The following PCNX2 variants were observed in gnomAD, a reference collection of about 807,000 sequenced individuals.
The protein encoded by PCNX2 is pecanex-like protein 2.
In PCNX2, 168 loss-of-function variants were observed where a neutral mutation model predicts 223.8. That is an observed-to-expected ratio of 0.75 (90% CI 0.66 to 0.85). The LOEUF (loss-of-function observed/expected upper bound fraction) is 0.85. PCNX2 is among the 40% of genes least tolerant of loss of function. PCNX2 has a pLI of 0.00. For synonymous variants in PCNX2, 1,006 were observed against 1,052.6 expected, an observed-to-expected ratio of 0.96 and a Z score of 0.86; for missense variants, 2,507 against 2,675.5, an observed-to-expected ratio of 0.94 and a Z score of 1.39.
chr1:233,287,354 C>T (rs1661505123), intron 1 of PCNX2, among the ~76,000 whole-genome samples: 1 of 152,158 alleles, frequency 6.6e-6, no homozygotes, highest in South Asian at 2.1e-4. Context: ...TTGGCTGTGT[C>T]CCCACCCAAA....
At chr1:233,219,962 TG>T (rs1297665564) in intron 10 of PCNX2, among the ~76,000 whole-genome samples, 5 of 152,206 alleles carry the variant, frequency 3.3e-5, no homozygotes, top group Non-Finnish European at 7.4e-5. Flanking sequence ...CCCTAAGCCC[TG>T]GCAACAACTG....
At chr1:233,006,740 T>C (rs947899625) in intron 28 of PCNX2, among the ~76,000 whole-genome samples, 2 of 152,212 alleles carry the variant, frequency 1.3e-5, no homozygotes, top group African/African-American at 2.4e-5. Context: ...GTACATACTA[T>C]GTTATTTACA....
chr1:233,222,699 C>T (rs1179423756), intron 10 of PCNX2, among the ~76,000 whole-genome samples: 1 of 152,016 alleles, frequency 6.6e-6, no homozygotes. Flanking sequence ...AAATAACTTC[C>T]TACAAGAGAC....
intron 17 of PCNX2, among the ~76,000 whole-genome samples, chr1:233,174,410 T>C (rs957437579): frequency 2.0e-5 from 3 of 150,074 alleles, no homozygotes; most frequent in African/African-American, 7.3e-5. Flanking sequence ...AATTTTTGGA[T>C]TTATGGTAAA....
intron 9 of PCNX2, among the ~76,000 whole-genome samples, chr1:233,229,077 CACA>C (rs1227486444): frequency 6.6e-6 from 1 of 152,148 alleles, no homozygotes; most frequent in African/African-American, 2.4e-5. Flanking sequence ...GGGCAGACAG[CACA>C]ACTTTTTTCC....
At chr1:233,089,793 G>T in intron 23 of PCNX2, 1 of 1,033,644 alleles carries the variant, frequency 9.7e-7, no homozygotes, top group Non-Finnish European at 1.2e-6. Context: ...ACGAAAATTT[G>T]GCAGTGATAA....
At chr1:233,087,049 G>A in intron 23 of PCNX2, 1 of 985,396 alleles carries the variant, frequency 1.0e-6, no homozygotes, top group Non-Finnish European at 1.2e-6. Context: ...ACAGAATCAG[G>A]GAACAGGAGG....
At chr1:233,087,749 T>C (rs1449860886) in intron 23 of PCNX2, among the ~76,000 whole-genome samples, 4 of 152,140 alleles carry the variant, frequency 2.6e-5, no homozygotes, top group Admixed American at 2.6e-4. Context: ...TTCAGCAGAC[T>C]GGGTTTTGCA....
chr1:233,143,591 C>G (rs986587435), intron 19 of PCNX2, among the ~76,000 whole-genome samples: 17 of 152,102 alleles, frequency 1.1e-4, no homozygotes, highest in African/African-American at 3.9e-4. Flanking sequence ...TGTGTTTTGA[C>G]GAGTCCTACA....
intron 1 of PCNX2, chr1:233,289,452 T>G: frequency 7.7e-7 from 1 of 1,304,262 alleles, no homozygotes; most frequent in Non-Finnish European, 1.1e-6. Flanking sequence ...GAACATGGCC[T>G]TCTCCTGGGA....
Position 232,986,117 on chromosome 1 carries a change from G to T in PCNX2, c.6215C>A (p.Ala2072Asp). ...SSVNIVMGPS[A>D]RAASQATRHL... ...CCGAGTGGCCTGGCTGGCAGCCCTGGCTGAGGGGCCCATCACGATGTTGAC... is the reference window on the plus strand; with the variant it reads ...CCGAGTGGCCTGGCTGGCAGCCCTGTCTGAGGGGCCCATCACGATGTTGAC... The change falls in exon 33 of 34, where the codon GCC (alanine) becomes GAC (aspartate). Residue 2072 changes from alanine to aspartate, a missense_variant. This residue lies in a region of PCNX2 where 1,372 missense variants were observed against 1,509.4 expected (regional missense o/e 0.91). Coordinates refer to ENST00000258229, the MANE Select transcript of PCNX2 (RefSeq NM_014801.4). 1 of 1,566,852 alleles carries T rather than the reference G, an allele frequency of 6.4e-7. No homozygotes were observed. The highest frequency in any genetic ancestry group is 2.4e-5 in the East Asian group (1 of 42,340).
chr1:233,191,804 G>T (rs73109254), intron 15 of PCNX2, among the ~76,000 whole-genome samples: 3,583 of 152,272 alleles, frequency 0.024, 130 homozygotes, highest in African/African-American at 0.08. Flanking sequence ...ACTTGGCCTT[G>T]CACGTCTGTG....
chr1:233,134,609 G>A (rs1237974923), intron 21 of PCNX2, among the ~76,000 whole-genome samples: 1 of 151,980 alleles, frequency 6.6e-6, no homozygotes, highest in African/African-American at 2.4e-5. Context: ...GAGGGAGGCA[G>A]GAAGGCAGGA....
At chr1:233,285,073 C>T (rs1384410964) in intron 1 of PCNX2, 1 of 945,506 alleles carries the variant, frequency 1.1e-6, no homozygotes, top group Non-Finnish European at 1.3e-6. Context: ...AAAAATAGGG[C>T]CGGGTGCAGT....
intron 1 of PCNX2, among the ~76,000 whole-genome samples, chr1:233,293,172 A>C (rs1355547766): frequency 2.0e-5 from 3 of 152,258 alleles, no homozygotes; most frequent in Admixed American, 6.5e-5. Flanking sequence ...TATAAAAATG[A>C]GCCCATATGC....
intron 21 of PCNX2, among the ~76,000 whole-genome samples, chr1:233,099,417 T>C (rs764171689): frequency 6.6e-6 from 1 of 152,174 alleles, no homozygotes; most frequent in Non-Finnish European, 1.5e-5. Context: ...CCCTGAAACA[T>C]CCTTTTCAGT....
rs189067366 is a variant in PCNX2 at position 233,178,763 on chromosome 1, A to C, written c.3176+303T>G. Reference sequence around the variant, plus strand: ...GGCAGCTTCTTACCCAGCTCACCCAAGGGAAAGTCACAACAGGGCTTGGGT... The same window carrying C: ...GGCAGCTTCTTACCCAGCTCACCCACGGGAAAGTCACAACAGGGCTTGGGT... On this transcript the variant is annotated intron_variant, in intron 16 of 33. Coordinates refer to ENST00000258229, the MANE Select transcript of PCNX2 (RefSeq NM_014801.4). Among the ~76,000 whole-genome samples the C allele has an allele frequency of 1.4e-4, 22 of 152,296 alleles. 1 individual carries two copies. Among genetic ancestry groups the C allele is most frequent in the East Asian group, 7.7e-4 (4 of 5,180 alleles).
intron 23 of PCNX2, chr1:233,058,142 G>T: frequency 1.2e-6 from 1 of 800,358 alleles, no homozygotes; most frequent in Non-Finnish European, 1.5e-6. Flanking sequence ...TCAGTGCACA[G>T]CTTTTGTAAG....
At chr1:233,272,874 T>C (rs951232287) in intron 1 of PCNX2, among the ~76,000 whole-genome samples, 4 of 152,244 alleles carry the variant, frequency 2.6e-5, no homozygotes, top group Non-Finnish European at 5.9e-5. Flanking sequence ...AGACCATTAT[T>C]CTAAGTGAAG....
Sources: allele counts gnomAD v4.1 joint callset (sites outside exome capture counted in the v4.1 genomes callset), GRCh38; gene constraint gnomAD v4.1.1; regional missense constraint gnomAD v4.1.1; transcripts MANE v1.5; gene names NCBI Gene and HGNC (gene_info 2026-07-23, HGNC 2026-07-21).